Variants in FBXL2 observed in about 807,000 individuals in gnomAD.
The protein encoded by FBXL2 is F-box/LRR-repeat protein 2.
Under a neutral mutation model 69.2 loss-of-function variants are expected in FBXL2, and 38 were observed. The observed-to-expected ratio is 0.55, with a 90% CI of 0.42 to 0.72. FBXL2 has a LOEUF of 0.72. Ranked by LOEUF, FBXL2 falls within the 30% of genes least tolerant of loss-of-function variation. FBXL2 has a pLI of 0.00. For missense variants in FBXL2, 354 were observed against 520.3 expected (o/e 0.68, Z 3.11); for synonymous variants, 192 against 201.3 (o/e 0.95, Z 0.39).
intron 1 of FBXL2, among the ~76,000 whole-genome samples, chr3:33,289,161 TA>T (rs1281118860): frequency 6.6e-6 from 1 of 150,870 alleles, no homozygotes; most frequent in South Asian, 2.2e-4. Context: ...CTAGTAATAC[TA>T]AATACTGAGA....
At chr3:33,322,800 A>G (rs1054239388) in intron 2 of FBXL2, among the ~76,000 whole-genome samples, 2 of 152,166 alleles carry the variant, frequency 1.3e-5, no homozygotes, top group African/African-American at 4.8e-5. Flanking sequence ...AAGGTGTCAT[A>G]TATTGTGTGT....
chr3:33,397,022 C>A, intron 12 of FBXL2: 2 of 1,576,078 alleles, frequency 1.3e-6, no homozygotes. Context: ...TTATTTCAAG[C>A]AAAACAGTTC....
At chr3:33,385,423 T>C (rs1202351982) in intron 14 of FBXL2, 78 bp from the exon 15 acceptor site, 3 of 1,244,054 alleles carry the variant, frequency 2.4e-6, no homozygotes, top group Middle Eastern at 1.9e-4. Context: ...TAGAGGACTA[T>C]AGGTTTTTCT....
At position 33,357,277 on chromosome 3, in the gene FBXL2, A is replaced by G. The variant is rs931127610; in HGVS notation, c.66-1690A>G. 2.4e-4 allele frequency among the ~76,000 whole-genome samples: 37 copies of G among 152,068 alleles called. 1 individual carries two copies. Among genetic ancestry groups the G allele is most frequent in the Admixed American group, 2.1e-3 (32 of 15,264 alleles). ...CTTTGGCTTATGCTTTTAGAACCCA[A>G]TCCCTGCATGAAATATGATTCTACT... On this transcript the variant is annotated intron_variant, in intron 2 of 14. Coordinates refer to ENST00000484457, the MANE Select transcript of FBXL2 (RefSeq NM_012157.5).
rs140049991 is a variant in FBXL2, at chr3:33,312,324, G to A, written c.65+14599G>A. Among the ~76,000 whole-genome samples, 285 of 152,326 alleles carry A rather than the reference G, an allele frequency of 1.9e-3. 1 individual carries two copies. The highest frequency in any genetic ancestry group is 0.01 in the South Asian group (49 of 4,826). On this transcript the variant is annotated intron_variant, in intron 2 of 14. Coordinates refer to ENST00000484457, the MANE Select transcript of FBXL2 (RefSeq NM_012157.5). The stretch of plus-strand genomic sequence containing the variant: ...TCCTCCTGCCTCAGCCTCCCAAAGT[G>A]TTGGGATTACATGCATGAGTTACTG...
chr3:33,304,943 C>T (rs2036587150), intron 2 of FBXL2, among the ~76,000 whole-genome samples: 1 of 151,968 alleles, frequency 6.6e-6, no homozygotes, highest in Non-Finnish European at 1.5e-5. Flanking sequence ...CGTGTTTCCT[C>T]TTCAGTGAAA....
chr3:33,400,417 T>C, intron 12 of FBXL2: 1 of 587,156 alleles, frequency 1.7e-6, no homozygotes, highest in Non-Finnish European at 2.9e-6. Flanking sequence ...GCAACCCAAA[T>C]GATGCAGGCC....
At chr3:33,349,125 C>A (rs1291921303) in intron 2 of FBXL2, among the ~76,000 whole-genome samples, 6 of 152,072 alleles carry the variant, frequency 3.9e-5, no homozygotes, top group Non-Finnish European at 8.8e-5. Context: ...TTATCTGTTG[C>A]TCTAGCTAGG....
chr3:33,373,101 A>G lies in FBXL2; in HGVS notation c.300A>G (p.Ala100=). ...TGTTTTCTCATTTTAGGACCTTTGC[A>G]CAGAACTGCCGAAACATTGAACATT... The part of the protein sequence containing the change: ...GVGDSSLKTF[A]QNCRNIEHLN... The change falls in exon 6 of 15, where the codon GCA becomes GCG. Residue 100 remains alanine, a synonymous_variant. Transcript: ENST00000484457. 3 of 1,614,206 alleles carry G rather than the reference A, an allele frequency of 1.9e-6. No individual in the cohort carries two copies. The highest frequency in any genetic ancestry group is 2.5e-6 in the Non-Finnish European group (3 of 1,180,010).
At chr3:33,340,655 G>A (rs2039947199) in intron 2 of FBXL2, among the ~76,000 whole-genome samples, 2 of 150,780 alleles carry the variant, frequency 1.3e-5, no homozygotes, top group Admixed American at 1.3e-4. Flanking sequence ...ACTTTGGGAG[G>A]CCGAGGCAGG....
At chr3:33,282,341 A>G (rs1457183845) in intron 1 of FBXL2, among the ~76,000 whole-genome samples, 2 of 152,152 alleles carry the variant, frequency 1.3e-5, no homozygotes, top group Non-Finnish European at 2.9e-5. Context: ...AGGTTTGTCA[A>G]AGATCAGATG....
intron 1 of FBXL2, among the ~76,000 whole-genome samples, chr3:33,279,933 A>G (rs573954297): frequency 1.6e-4 from 24 of 152,314 alleles, no homozygotes; most frequent in African/African-American, 5.5e-4. Flanking sequence ...AAAACCTGGC[A>G]GTTTCTCTCA....
intron 1 of FBXL2, among the ~76,000 whole-genome samples, chr3:33,284,219 A>G (rs1019335826): frequency 1.3e-5 from 2 of 152,144 alleles, no homozygotes; most frequent in African/African-American, 4.8e-5. Context: ...ACACTGCTTT[A>G]AATGTGTCCC....
In FBXL2 at chr3:33,373,898, A is replaced by C; in HGVS notation, c.634A>C (p.Ser212Arg). Residue 212 changes from serine to arginine, a missense_variant, in exon 9 of 15, where the codon AGC becomes CGC. Coordinates refer to ENST00000484457, the MANE Select transcript of FBXL2 (RefSeq NM_012157.5). Reference sequence around the variant, plus strand: ...TCAGAATTACTGCCATGAGCTTGTGAGCCTCAACTTGCAGTCCTGCTCAGT... The same window carrying C: ...TCAGAATTACTGCCATGAGCTTGTGCGCCTCAACTTGCAGTCCTGCTCAGT... ...HIQNYCHELV[S>R]LNLQSCSRIT... is the part of the protein sequence containing the mutation. 6.2e-7 allele frequency: 1 copy of C among 1,614,208 alleles called. No homozygotes were observed. The highest frequency in any genetic ancestry group is 8.5e-7 in the Non-Finnish European group (1 of 1,180,030).
intron 13 of FBXL2, among the ~76,000 whole-genome samples, chr3:33,382,049 G>T (rs1379449460): frequency 6.6e-6 from 1 of 152,122 alleles, no homozygotes; most frequent in Non-Finnish European, 1.5e-5. Context: ...GTTTGGGGCT[G>T]TTACAACCAG....
chr3:33,403,097 T>A, intron 12 of FBXL2: 1 of 538,118 alleles, frequency 1.9e-6, no homozygotes, highest in Non-Finnish European at 3.3e-6. Flanking sequence ...TGTGTGCGTC[T>A]AGACACTGAT....
chr3:33,279,502 C>CTTGT (rs2033727978), intron 1 of FBXL2, among the ~76,000 whole-genome samples: 5 of 152,302 alleles, frequency 3.3e-5, no homozygotes, highest in Admixed American at 2.0e-4. Flanking sequence ...ATCTCTTGAC[C>CTTGT]TTGTGATCCT....
chr3:33,373,557 T>G, intron 7 of FBXL2, 21 bp from the exon 8 acceptor site: 7 of 1,614,162 alleles, frequency 4.3e-6, no homozygotes, highest in Non-Finnish European at 5.9e-6. Context: ...GCACATAAGT[T>G]TTTGTTTCTT....
At chr3:33,408,581 C>A, downstream of FBXL2, 1 of 755,050 alleles carries the variant, frequency 1.3e-6, no homozygotes, top group Non-Finnish European at 2.1e-6. Context: ...TAAATCAAGA[C>A]ATGGACATCA....
Sources: gnomAD v4.1 joint callset for allele counts (sites outside exome capture counted in the v4.1 genomes callset) on GRCh38, gnomAD v4.1.1 for gene constraint, MANE v1.5 for transcripts, NCBI Gene and HGNC (gene_info 2026-07-23, HGNC 2026-07-21) for gene names.